The following SEMA5B variants were observed in gnomAD, a reference collection of about 807,000 sequenced individuals.
SEMA5B encodes the protein semaphorin 5B, also known as semaphorin-5B.
A neutral mutation model predicts 135.0 loss-of-function variants in SEMA5B; 66 were observed. The ratio of observed to expected loss-of-function variants is 0.49; its 90% CI spans 0.40 to 0.60. SEMA5B has a LOEUF of 0.60. Among genes scored for constraint, SEMA5B ranks in the 20% least tolerant of loss-of-function variants. The pLI is 0.00. For synonymous variants in SEMA5B, 690 were observed against 639.5 expected (o/e 1.08, Z -1.19); for missense variants, 1,501 against 1,566.3 (o/e 0.96, Z 0.70).
At chr3:123,003,192 A>G (rs184471933) in intron 1 of SEMA5B, among the ~76,000 whole-genome samples, 46 of 152,310 alleles carry the variant, frequency 3.0e-4, no homozygotes, top group Middle Eastern at 3.4e-3. Flanking sequence ...CCACCTGGAA[A>G]TCTCATAAAG....
rs1194521848 is a variant in SEMA5B, at chr3:122,939,326, T to G, written c.474+99A>C. 10 of 965,142 alleles carry G rather than the reference T, an allele frequency of 1.0e-5. No individual in the cohort carries two copies. In the East Asian group the frequency reaches 2.4e-4, roughly 23 times the overall value. The allele number at this position is 965,142 out of a possible 1,614,324, so 59.8% of individuals were successfully genotyped here. ...AGAACAAGTGGCTCCTGTTTTCAAC[T>G]TTAGGGGCTGAATTCTGAATGGCGC... is the stretch of plus-strand genomic sequence containing the variant. On this transcript the variant is annotated intron_variant, in intron 5 of 22. Transcript: ENST00000357599.
At chr3:122,976,135 ACT>A (rs2107663531) in intron 1 of SEMA5B, 8 of 1,534,758 alleles carry the variant, frequency 5.2e-6, no homozygotes, top group East Asian at 2.4e-5. Context: ...TGGTTTATAC[ACT>A]CTCATCACTT....
At chr3:122,925,015 A>C (rs964448128) in intron 9 of SEMA5B, among the ~76,000 whole-genome samples, 10 of 152,208 alleles carry the variant, frequency 6.6e-5, no homozygotes, top group Admixed American at 6.5e-5. Flanking sequence ...GAAGGCATGC[A>C]ATCAATACAC....
At chr3:122,994,048 T>G (rs1408632116) in intron 1 of SEMA5B, among the ~76,000 whole-genome samples, 2 of 152,006 alleles carry the variant, frequency 1.3e-5, no homozygotes, top group African/African-American at 2.4e-5. Context: ...CCAGGCTTCC[T>G]GCGGGTCCTG....
intron 2 of SEMA5B, among the ~76,000 whole-genome samples, chr3:122,952,252 GGTCC>G (rs980445511): frequency 8.5e-5 from 13 of 152,096 alleles, no homozygotes; most frequent in Non-Finnish European, 1.5e-4. Flanking sequence ...TGCTAGCCTG[GGTCC>G]GTCCTGTGGC....
At chr3:122,911,821 C>G (rs1480756782) in intron 20 of SEMA5B, 99 bp downstream of exon 20, 1 of 1,374,174 alleles carries the variant, frequency 7.3e-7, no homozygotes, top group African/African-American at 1.4e-5. Flanking sequence ...TCATCCTGTG[C>G]CCCCTGCTCC....
In SEMA5B at chr3:122,913,935, C is replaced by G; in HGVS notation, c.2055G>C (p.Gln685His). The change falls in exon 15 of 23, where the codon CAG becomes CAC. Residue 685 changes from glutamine to histidine, a missense_variant. By Grantham distance (24) the Gln-to-His change is conservative (BLOSUM62 0). This residue lies in a region of SEMA5B where 927 missense variants were observed against 881.6 expected (regional missense o/e 1.05). Transcript: ENST00000357599. ...LCSTSCGIGF[Q>H]VRQRSCSNPA... Reference sequence around the variant, plus strand: ...GGTTGCTGCAACTTCGCTGGCGGACCTGGAAGCCGATGCCACAGGACGTGC... The same window carrying G: ...GGTTGCTGCAACTTCGCTGGCGGACGTGGAAGCCGATGCCACAGGACGTGC... The G allele has an allele frequency of 1.2e-6, 2 of 1,612,536 alleles. No homozygotes were observed. Among genetic ancestry groups the G allele is most frequent in the African/African-American group, 1.3e-5 (1 of 75,076 alleles).
At position 122,957,439 on chromosome 3, in the gene SEMA5B, C is replaced by T. The variant is rs141320197; in HGVS notation, c.124+3701G>A. Among the ~76,000 whole-genome samples, 424 of 152,356 alleles carry T rather than the reference C, an allele frequency of 2.8e-3. 3 individuals are homozygous for T. Among genetic ancestry groups the T allele is most frequent in the African/African-American group, 8.7e-3 (361 of 41,580 alleles). On this transcript the variant is annotated intron_variant, in intron 2 of 22. Coordinates refer to ENST00000357599, the MANE Select transcript of SEMA5B (RefSeq NM_001031702.4). ...GGAAGCCGTGTGGCCCACAGAGCTG[C>T]ACCCAGGCAGGAGCAGCACGGCCAC...
chr3:122,960,137 A>G (rs1271859013), intron 2 of SEMA5B, among the ~76,000 whole-genome samples: 1 of 152,186 alleles, frequency 6.6e-6, no homozygotes, highest in African/African-American at 2.4e-5. Flanking sequence ...AAATCCAACT[A>G]AAGGCCTGGA....
chr3:122,966,723 T>C (rs1005573367), intron 1 of SEMA5B, among the ~76,000 whole-genome samples: 4 of 149,452 alleles, frequency 2.7e-5, no homozygotes, highest in Non-Finnish European at 5.9e-5. Flanking sequence ...CCCAGCTAAT[T>C]TTTTGTTTGC....
chr3:122,911,154 G>A, intron 21 of SEMA5B, 109 bp from the exon 22 acceptor site: 1 of 1,099,228 alleles, frequency 9.1e-7, no homozygotes. Flanking sequence ...AGGCATCCTG[G>A]AAAGGGCTCT....
intron 12 of SEMA5B, 137 bp downstream of exon 12, chr3:122,921,778 C>G (rs1938356201): frequency 1.6e-6 from 1 of 618,474 alleles, no homozygotes; most frequent in South Asian, 2.3e-5. Context: ...CAAGGTTCAG[C>G]GAGGTGGAGT....
chr3:123,006,592 C>T (rs1942317628), intron 1 of SEMA5B, among the ~76,000 whole-genome samples: 1 of 152,158 alleles, frequency 6.6e-6, no homozygotes, highest in Admixed American at 6.5e-5. Context: ...GATTTGGAAG[C>T]TTGGGGTGGG....
rs369047632 is a variant in SEMA5B at position 122,911,969 on chromosome 3, A to G, written c.2997T>C (p.Cys999=). 1.2e-6 allele frequency: 2 copies of G among 1,611,990 alleles called. No homozygotes were observed. Among genetic ancestry groups the G allele is most frequent in the African/African-American group, 2.7e-5 (2 of 74,820 alleles). ...CEELLPGSSA[C]AGNSSQSRPC... is the part of the protein sequence containing the mutation. ...GGCGGCTCTGGCTGCTGTTTCCAGC[A>G]CAGGCGCTGGACCCTGGGAGGAGCT... Residue 999 remains cysteine (C), a synonymous_variant, in exon 20 of 23, where the codon TGT becomes TGC. Coordinates refer to ENST00000357599, the MANE Select transcript of SEMA5B (RefSeq NM_001031702.4).
intron 1 of SEMA5B, among the ~76,000 whole-genome samples, chr3:123,021,665 C>A (rs1261187823): frequency 6.6e-6 from 1 of 152,208 alleles, no homozygotes; most frequent in Non-Finnish European, 1.5e-5. Flanking sequence ...TGTTACCCTG[C>A]AAGCCATTTC....
intron 7 of SEMA5B, 116 bp from the exon 8 acceptor site, chr3:122,928,119 C>T (rs113588460): frequency 6.0e-6 from 4 of 666,032 alleles, no homozygotes; most frequent in African/African-American, 5.6e-5. Flanking sequence ...CTCCCCTCCT[C>T]CAGCGTCATC....
At position 122,915,581 on chromosome 3, in the gene SEMA5B, G is replaced by A; in HGVS notation, c.1847C>T (p.Ser616Leu). The A allele has an allele frequency of 6.2e-7, 1 of 1,613,918 alleles. No individual in the cohort carries two copies. Among genetic ancestry groups the A allele is most frequent in the Non-Finnish European group, 8.5e-7 (1 of 1,179,886 alleles). Residue 616 changes from serine (S) to leucine (L), a missense_variant, in exon 14 of 23, where the codon TCA (serine) becomes TTA (leucine). Coordinates refer to ENST00000357599, the MANE Select transcript of SEMA5B (RefSeq NM_001031702.4). ...VTRDGGFGPW[S>L]PWQPCEHLDG... is the part of the protein sequence containing the mutation. ...CAAGTGCTCACATGGTTGCCATGGT[G>A]ACCATGGGCCGAAGCCCCCATCCCG... is the stretch of plus-strand genomic sequence containing the variant.
chr3:122,990,604 C>T (rs1941845787), intron 1 of SEMA5B, among the ~76,000 whole-genome samples: 2 of 152,084 alleles, frequency 1.3e-5, no homozygotes, highest in African/African-American at 4.8e-5. Context: ...CAATGTATGA[C>T]ATACATGTGC....
chr3:122,913,111 C>T (rs1050329510), intron 17 of SEMA5B, 50 bp from the exon 18 acceptor site: 7 of 1,417,726 alleles, frequency 4.9e-6, no homozygotes, highest in Admixed American at 3.0e-5. Context: ...ACCCCGACCC[C>T]GGCCTGGGCC....
Sources: allele counts gnomAD v4.1 joint callset (sites outside exome capture counted in the v4.1 genomes callset), GRCh38; gene constraint gnomAD v4.1.1; regional missense constraint gnomAD v4.1.1; transcripts MANE v1.5; gene names NCBI Gene and HGNC (gene_info 2026-07-23, HGNC 2026-07-21).